RIMS2: variants seen among roughly 807,000 people sequenced by gnomAD.
The protein encoded by RIMS2 is regulating synaptic membrane exocytosis protein 2.
In RIMS2, 59 loss-of-function variants were observed where a neutral mutation model predicts 174.4. That is an observed-to-expected ratio of 0.34 (90% CI 0.27 to 0.42). The LOEUF (loss-of-function observed/expected upper bound fraction) is 0.42, where lower values mean the gene tolerates loss of function less well. Ranked by LOEUF, RIMS2 falls within the 10% of genes least tolerant of loss-of-function variation. RIMS2 has a pLI of 1.00. For synonymous variants in RIMS2, 606 were observed against 572.5 expected, an observed-to-expected ratio of 1.06 and a Z score of -0.84; for missense variants, 1,620 against 1,666.3, an observed-to-expected ratio of 0.97 and a Z score of 0.48.
chr8:104,109,357 G>T (rs1046974610), intron 19 of RIMS2, among the ~76,000 whole-genome samples: 1 of 151,234 alleles, frequency 6.6e-6, no homozygotes, highest in Non-Finnish European at 1.5e-5. Flanking sequence ...TGCATGAGAG[G>T]TAATATAGCA....
chr8:103,551,172 C>A (rs557059104), intron 1 of RIMS2, among the ~76,000 whole-genome samples: 7 of 152,266 alleles, frequency 4.6e-5, no homozygotes, highest in Non-Finnish European at 8.8e-5. Context: ...ACCAATATCC[C>A]TCATGAACAT....
At chr8:103,728,139 T>C (rs1394664505) in intron 2 of RIMS2, among the ~76,000 whole-genome samples, 1 of 152,138 alleles carries the variant, frequency 6.6e-6, no homozygotes, top group South Asian at 2.1e-4. Context: ...ATAGTTTTTG[T>C]TCTAGGGATC....
chr8:104,211,341 T>A (rs1332639073), intron 19 of RIMS2, among the ~76,000 whole-genome samples: 2 of 152,140 alleles, frequency 1.3e-5, no homozygotes, highest in African/African-American at 2.4e-5. Context: ...CTTATAGGAA[T>A]GGGAAGTAAA....
chr8:103,912,970 GTT>G (rs1272975359), intron 6 of RIMS2, among the ~76,000 whole-genome samples: 4 of 114,874 alleles, frequency 3.5e-5, no homozygotes, highest in Admixed American at 9.3e-5. Context: ...TTTTTTTGTT[GTT>G]TTTTTTTTTT....
chr8:104,085,798 G>T (rs2097527132), intron 19 of RIMS2, among the ~76,000 whole-genome samples: 1 of 152,120 alleles, frequency 6.6e-6, no homozygotes, highest in Admixed American at 6.5e-5. Context: ...AGCCTACAGT[G>T]CAGGGAACAT....
intron 10 of RIMS2, chr8:103,922,763 G>A (rs188822712): frequency 8.2e-6 from 2 of 244,512 alleles, no homozygotes; most frequent in East Asian, 2.3e-4. Flanking sequence ...GGGAGGAAAG[G>A]GTAGTATTTG....
intron 3 of RIMS2, among the ~76,000 whole-genome samples, chr8:103,876,847 TAC>T (rs552930369): frequency 4.0e-5 from 5 of 125,842 alleles, no homozygotes; most frequent in African/African-American, 1.1e-4. Flanking sequence ...TGTGTATATA[TAC>T]ACACACACAC....
intron 2 of RIMS2, among the ~76,000 whole-genome samples, chr8:103,746,839 C>A (rs1044695853): frequency 5.3e-5 from 8 of 152,022 alleles, no homozygotes; most frequent in Non-Finnish European, 1.2e-4. Flanking sequence ...TGCCACCACA[C>A]CCCGCTAATT....
rs547196235 is a variant in RIMS2, at chr8:103,778,048, TA to T, written c.698+11516del. 4.3e-3 allele frequency among the ~76,000 whole-genome samples: 656 copies of T among 152,152 alleles called. 6 individuals are homozygous for T. The highest frequency in any genetic ancestry group is 0.015 in the African/African-American group (615 of 41,558). On this transcript the variant is annotated intron_variant, in intron 3 of 23. Transcript: ENST00000504942. Reference sequence around the variant, plus strand: ...AAACTTGCTATGACTTTGACATTTTTAAAAAGTTTGTTACTTTTCTTCATAG... The same window carrying T: ...AAACTTGCTATGACTTTGACATTTTTAAAAGTTTGTTACTTTTCTTCATAG...
chr8:103,982,491 CA>C (rs563538593), intron 16 of RIMS2, among the ~76,000 whole-genome samples: 445 of 127,858 alleles, frequency 3.5e-3, no homozygotes, highest in East Asian at 0.011. Context: ...TGCAGAAATC[CA>C]AAAAAAAAAA....
intron 1 of RIMS2, among the ~76,000 whole-genome samples, chr8:103,642,838 T>A (rs1202997529): frequency 6.6e-6 from 1 of 151,990 alleles, no homozygotes; most frequent in Admixed American, 6.6e-5. Context: ...TTTCAAAATG[T>A]CATCTTTGTC....
intron 19 of RIMS2, among the ~76,000 whole-genome samples, chr8:104,175,424 C>T (rs1237192836): frequency 2.0e-5 from 3 of 152,026 alleles, no homozygotes; most frequent in Non-Finnish European, 2.9e-5. Flanking sequence ...TCTCTATCCC[C>T]TCAAGCATTT....
rs1007751580 is a variant in RIMS2 at position 103,719,813 on chromosome 8, T to C, written c.387+22517T>C. Among the ~76,000 whole-genome samples the C allele has an allele frequency of 3.3e-5, 5 of 152,214 alleles. No individual in the cohort carries two copies. In the South Asian group the frequency reaches 6.2e-4, roughly 19 times the overall value. Reference sequence around the variant, plus strand: ...CTGTTACTAAATACTGACCTAGGCATGTCTAGTGAGAACAACATGAAATTA... The same window carrying C: ...CTGTTACTAAATACTGACCTAGGCACGTCTAGTGAGAACAACATGAAATTA... On this transcript the variant is annotated intron_variant, in intron 2 of 23. Coordinates refer to ENST00000504942, the Ensembl canonical transcript of RIMS2.
At chr8:103,867,698 C>T (rs2099090491) in intron 3 of RIMS2, among the ~76,000 whole-genome samples, 3 of 151,838 alleles carry the variant, frequency 2.0e-5, no homozygotes, top group African/African-American at 7.2e-5. Flanking sequence ...ACAAAGATAG[C>T]ATGTACTTCT....
At chr8:103,790,087 T>G (rs2098483185) in intron 3 of RIMS2, among the ~76,000 whole-genome samples, 1 of 152,158 alleles carries the variant, frequency 6.6e-6, no homozygotes, top group African/African-American at 2.4e-5. Context: ...TGGCTCTTGA[T>G]TTATTTATTT....
chr8:103,749,041 C>T lies in RIMS2; in HGVS notation c.388-17186C>T, dbSNP rs546317866. ...CTCAAACTCCCAACCTCAGGTGATC[C>T]GCCCACCTCGGCCTCCCAAAGTGCT... is the stretch of plus-strand genomic sequence containing the variant. On this transcript the variant is annotated intron_variant, in intron 2 of 23. Transcript: ENST00000504942. Among the ~76,000 whole-genome samples, 12 of 152,076 alleles carry T rather than the reference C, an allele frequency of 7.9e-5. 1 individual carries two copies. The highest frequency in any genetic ancestry group is 2.2e-4 in the African/African-American group (9 of 41,434).
intron 3 of RIMS2, among the ~76,000 whole-genome samples, chr8:103,788,510 G>A (rs2098465036): frequency 6.7e-6 from 1 of 150,374 alleles, no homozygotes; most frequent in Non-Finnish European, 1.5e-5. Context: ...TCAGCTGCAG[G>A]TCTGTTGGAA....
At chr8:103,576,694 C>A (rs918111604) in intron 1 of RIMS2, among the ~76,000 whole-genome samples, 1 of 152,168 alleles carries the variant, frequency 6.6e-6, no homozygotes, top group African/African-American at 2.4e-5. Context: ...GCTACAGTAA[C>A]CAAAGTAGCG....
intron 1 of RIMS2, among the ~76,000 whole-genome samples, chr8:103,596,051 ATCT>A (rs1385874027): frequency 1.3e-5 from 2 of 151,888 alleles, no homozygotes; most frequent in Admixed American, 1.3e-4. Context: ...TTCTAACCTA[ATCT>A]TCTGAAATTT....
Sources: allele counts gnomAD v4.1 joint callset (sites outside exome capture counted in the v4.1 genomes callset), GRCh38; gene constraint gnomAD v4.1.1; transcripts MANE v1.5; gene names NCBI Gene and HGNC (gene_info 2026-07-23, HGNC 2026-07-21).